PACRG: variants seen among roughly 807,000 people sequenced by gnomAD.
PACRG encodes parkin coregulated gene protein.
Under a neutral mutation model 29.7 loss-of-function variants are expected in PACRG, and 29 were observed. The ratio of observed to expected loss-of-function variants is 0.98; its 90% CI spans 0.73 to 1.33. The LOEUF is 1.33. PACRG is among the 40% of genes most tolerant of loss of function. The pLI, the probability that PACRG is intolerant of heterozygous loss-of-function variation, is 0.00. For synonymous variants in PACRG, 116 were observed against 118.7 expected, an observed-to-expected ratio of 0.98 and a Z score of 0.15; for missense variants, 279 against 316.2, an observed-to-expected ratio of 0.88 and a Z score of 0.89.
At chr6:162,829,712 T>C (rs1050881380) in intron 2 of PACRG, among the ~76,000 whole-genome samples, 2 of 152,196 alleles carry the variant, frequency 1.3e-5, no homozygotes, top group African/African-American at 4.8e-5. Context: ...TCTTCAGAGA[T>C]AAGGATGTTC....
chr6:163,305,453 C>T (rs1274604810), intron 4 of PACRG, among the ~76,000 whole-genome samples: 4 of 152,200 alleles, frequency 2.6e-5, no homozygotes, highest in Non-Finnish European at 5.9e-5. Context: ...GTAGCAATGA[C>T]GTCCCTGGGC....
intron 4 of PACRG, among the ~76,000 whole-genome samples, chr6:163,270,847 A>G (rs748459245): frequency 3.9e-5 from 6 of 152,226 alleles, no homozygotes; most frequent in Non-Finnish European, 8.8e-5. Context: ...CATCTTCTCC[A>G]ATAGAAAATG....
At chr6:162,922,453 CT>C (rs1797132938) in intron 2 of PACRG, among the ~76,000 whole-genome samples, 2 of 151,740 alleles carry the variant, frequency 1.3e-5, no homozygotes, top group Admixed American at 6.6e-5. Flanking sequence ...ATTCTTTTAC[CT>C]TTTGTAAATA....
At chr6:163,307,507 T>G (rs1785234781) in intron 4 of PACRG, among the ~76,000 whole-genome samples, 1 of 152,216 alleles carries the variant, frequency 6.6e-6, no homozygotes, top group South Asian at 2.1e-4. Context: ...GAAAAACCAT[T>G]GCAACTTTGA....
chr6:162,953,623 TG>T (rs144414184), intron 2 of PACRG, among the ~76,000 whole-genome samples: 2,011 of 152,200 alleles, frequency 0.013, 46 homozygotes, highest in African/African-American at 0.046. Context: ...GATTTTTCCT[TG>T]GAACTGTCTA....
At position 162,995,924 on chromosome 6, in the gene PACRG, C is replaced by T. The variant is rs79582094; in HGVS notation, c.292-66226C>T. On this transcript the variant is annotated intron_variant, in intron 2 of 4. Coordinates refer to ENST00000366888, the MANE Select transcript of PACRG (RefSeq NM_001080379.2). Reference sequence around the variant, plus strand: ...GGGAGGATAGATATCTCTTCGTGATCCTGATTTCAATTCCTTTGAATATAT... The same window carrying T: ...GGGAGGATAGATATCTCTTCGTGATTCTGATTTCAATTCCTTTGAATATAT... 4.2e-3 allele frequency among the ~76,000 whole-genome samples: 637 copies of T among 152,204 alleles called. 25 individuals carry two copies. The East Asian group carries it at 0.1, about 25-fold the overall frequency.
At chr6:162,997,457 A>G (rs1392263177) in intron 2 of PACRG, 1 of 452,898 alleles carries the variant, frequency 2.2e-6, no homozygotes, top group Non-Finnish European at 4.4e-6. Context: ...CTTAAGTAAC[A>G]GATGAAAACT....
At chr6:163,036,510 T>C (rs774439776) in intron 2 of PACRG, among the ~76,000 whole-genome samples, 2 of 152,230 alleles carry the variant, frequency 1.3e-5, no homozygotes, top group African/African-American at 2.4e-5. Flanking sequence ...CCCCTTTCAG[T>C]TGGCAAAGAA....
In PACRG at chr6:162,951,529, T is replaced by C. The variant is rs181497270; in HGVS notation, c.292-110621T>C. Among the ~76,000 whole-genome samples the C allele has an allele frequency of 5.9e-5, 9 of 152,274 alleles. No individual in the cohort carries two copies. In the East Asian group the frequency reaches 1.5e-3, roughly 26 times the overall value. ...CACCAAACATAGGAACTGGTTTGGCTTCATTGTAGAAAGGGAGGTCCTGTG... is the reference window on the plus strand; with the variant it reads ...CACCAAACATAGGAACTGGTTTGGCCTCATTGTAGAAAGGGAGGTCCTGTG... On this transcript the variant is annotated intron_variant, in intron 2 of 4. Coordinates refer to ENST00000366888, the MANE Select transcript of PACRG (RefSeq NM_001080379.2).
At chr6:162,748,325 T>C (rs1386796937) in intron 1 of PACRG, among the ~76,000 whole-genome samples, 2 of 152,114 alleles carry the variant, frequency 1.3e-5, no homozygotes, top group African/African-American at 2.4e-5. Context: ...ACCCCGTCTC[T>C]AATAAAAATA....
chr6:163,032,603 T>A (rs1807772987), intron 2 of PACRG, among the ~76,000 whole-genome samples: 1 of 152,218 alleles, frequency 6.6e-6, no homozygotes, highest in Non-Finnish European at 1.5e-5. Flanking sequence ...CATATCAGAA[T>A]TATAAGAGTT....
chr6:163,004,587 C>G (rs772791375), intron 2 of PACRG, among the ~76,000 whole-genome samples: 1 of 151,810 alleles, frequency 6.6e-6, no homozygotes, highest in Non-Finnish European at 1.5e-5. Flanking sequence ...CAGTTACCCC[C>G]ACCTGATCTC....
intron 2 of PACRG, among the ~76,000 whole-genome samples, chr6:163,015,639 G>A (rs957707509): frequency 7.2e-5 from 11 of 151,970 alleles, no homozygotes; most frequent in African/African-American, 2.4e-4. Flanking sequence ...TCTTCATTTT[G>A]CTCTGTTTGA....
At chr6:162,820,826 A>G (rs1015813467) in intron 2 of PACRG, among the ~76,000 whole-genome samples, 1 of 152,148 alleles carries the variant, frequency 6.6e-6, no homozygotes, top group Non-Finnish European at 1.5e-5. Flanking sequence ...AGTTTGGATA[A>G]TAGGACTTAG....
chr6:162,875,326 CACAG>C (rs1179912368), intron 2 of PACRG, among the ~76,000 whole-genome samples: 2 of 152,024 alleles, frequency 1.3e-5, no homozygotes, highest in African/African-American at 4.8e-5. Context: ...GACATTCACA[CACAG>C]ACATGCACAC....
intron 2 of PACRG, among the ~76,000 whole-genome samples, chr6:162,966,596 T>C (rs9458691): frequency 0.15 from 23,408 of 151,194 alleles, 3,155 homozygotes; most frequent in African/African-American, 0.36. Context: ...CCTGCCTCAG[T>C]CTCATGAGCA....
intron 2 of PACRG, among the ~76,000 whole-genome samples, chr6:162,874,982 T>C (rs1311134486): frequency 6.6e-6 from 1 of 151,624 alleles, no homozygotes; most frequent in Non-Finnish European, 1.5e-5. Flanking sequence ...TTTACACACA[T>C]TCATACGCCC....
chr6:163,076,264 C>CT lies in PACRG; in HGVS notation c.464-12994dup, dbSNP rs201698761. On this transcript the variant is annotated intron_variant, in intron 3 of 4. Transcript: ENST00000366888. ...TCATCTTGCAGCTTTTGCTCGCCAT[C>CT]TGGGACTACTGGGAATCTCCCCATG... Among the ~76,000 whole-genome samples the CT allele has an allele frequency of 5.7e-4, 87 of 152,318 alleles. 3 individuals are homozygous for CT. The East Asian group carries it at 0.016, about 29-fold the overall frequency.
intron 4 of PACRG, among the ~76,000 whole-genome samples, chr6:163,221,788 T>G (rs1444227153): frequency 6.6e-6 from 1 of 152,172 alleles, no homozygotes; most frequent in African/African-American, 2.4e-5. Flanking sequence ...TCGCTCACTG[T>G]TGACAGCAAG....
Sources: gnomAD v4.1 joint callset for allele counts (sites outside exome capture counted in the v4.1 genomes callset) on GRCh38, gnomAD v4.1.1 for gene constraint, MANE v1.5 for transcripts, NCBI Gene and HGNC (gene_info 2026-07-23, HGNC 2026-07-21) for gene names.